The following DLG2 variants were observed in gnomAD, a reference collection of about 807,000 sequenced individuals.
The protein encoded by DLG2 is discs large MAGUK scaffold protein 2, also known as disks large homolog 2.
A neutral mutation model predicts 132.5 loss-of-function variants in DLG2; 45 were observed. That is an observed-to-expected ratio of 0.34 (90% confidence interval 0.27 to 0.44). The LOEUF (loss-of-function observed/expected upper bound fraction) is 0.44. Among genes scored for constraint, DLG2 ranks in the 20% least tolerant of loss-of-function variants. DLG2 has a pLI of 1.00. For synonymous variants in DLG2, 424 were observed against 419.6 expected (o/e 1.01, Z -0.13); for missense variants, 1,045 against 1,196.9 (o/e 0.87, Z 1.87).
intron 6 of DLG2, among the ~76,000 whole-genome samples, chr11:85,004,381 G>A (rs1025249576): frequency 6.6e-6 from 1 of 152,120 alleles, no homozygotes; most frequent in Non-Finnish European, 1.5e-5. Context: ...TCCAGCATCT[G>A]TTGTTTCCTG....
chr11:84,732,622 T>A (rs2063291683), intron 6 of DLG2, among the ~76,000 whole-genome samples: 1 of 151,714 alleles, frequency 6.6e-6, no homozygotes, highest in South Asian at 2.1e-4. Flanking sequence ...TTCTTAAGTT[T>A]TGAGAGTTTT....
chr11:84,823,920 G>A (rs2078020042), intron 6 of DLG2, among the ~76,000 whole-genome samples: 1 of 151,856 alleles, frequency 6.6e-6, no homozygotes, highest in South Asian at 2.1e-4. Context: ...GCACGGCTCT[G>A]TCCATTACTG....
intron 3 of DLG2, among the ~76,000 whole-genome samples, chr11:85,480,224 G>A (rs997230484): frequency 6.6e-6 from 1 of 152,334 alleles, no homozygotes; most frequent in East Asian, 1.9e-4. Context: ...GATAGACATT[G>A]TAATCCAGTA....
chr11:85,061,255 T>C (rs1210608079), intron 6 of DLG2, among the ~76,000 whole-genome samples: 1 of 151,894 alleles, frequency 6.6e-6, no homozygotes. Context: ...ATTTTTGTTT[T>C]TGTAGCCTGT....
At chr11:85,531,917 T>C (rs1368464352) in intron 3 of DLG2, among the ~76,000 whole-genome samples, 1 of 152,158 alleles carries the variant, frequency 6.6e-6, no homozygotes, top group Non-Finnish European at 1.5e-5. Flanking sequence ...GGAACAAAAA[T>C]GTTAAGCAAC....
chr11:85,478,411 A>G (rs932605595), intron 3 of DLG2, among the ~76,000 whole-genome samples: 3 of 152,160 alleles, frequency 2.0e-5, no homozygotes, highest in African/African-American at 7.2e-5. Flanking sequence ...GACAATCTTT[A>G]TAGGACTGTC....
At position 83,595,437 on chromosome 11, in the gene DLG2, T is replaced by G. The variant is rs567868532; in HGVS notation, c.1940+37774A>C. Among the ~76,000 whole-genome samples the G allele has an allele frequency of 3.3e-5, 5 of 152,358 alleles. No individual in the cohort carries two copies. In the South Asian group the frequency reaches 1.0e-3, roughly 32 times the overall value. ...GATAAACAGGGCATCCTCCTCATTT[T>G]TCTTACCATTAAGAATCCATCTAAG... On this transcript the variant is annotated intron_variant, in intron 19 of 27. Coordinates refer to ENST00000376104, the MANE Select transcript of DLG2 (RefSeq NM_001142699.3).
intron 9 of DLG2, among the ~76,000 whole-genome samples, chr11:84,135,593 C>T (rs953955478): frequency 6.6e-6 from 1 of 151,936 alleles, no homozygotes; most frequent in African/African-American, 2.4e-5. Context: ...GAGAGTAGGG[C>T]ATGGAGAAGG....
At chr11:84,517,073 A>AG (rs2099275950) in intron 7 of DLG2, among the ~76,000 whole-genome samples, 2 of 141,450 alleles carry the variant, frequency 1.4e-5, no homozygotes, top group African/African-American at 5.1e-5. Context: ...AAAAAAAAAA[A>AG]GATTCGCAAC....
At chr11:84,671,658 T>C (rs2099706036) in intron 6 of DLG2, among the ~76,000 whole-genome samples, 1 of 152,140 alleles carries the variant, frequency 6.6e-6, no homozygotes, top group African/African-American at 2.4e-5. Flanking sequence ...AAAAGTGACT[T>C]GTGCAGAAAA....
chr11:84,568,116 A>G (rs2099464728), intron 6 of DLG2, among the ~76,000 whole-genome samples: 1 of 152,162 alleles, frequency 6.6e-6, no homozygotes, highest in Admixed American at 6.5e-5. Flanking sequence ...GACCACCTGG[A>G]GTCAGGTAGA....
intron 6 of DLG2, among the ~76,000 whole-genome samples, chr11:84,989,180 G>C (rs1248486121): frequency 6.6e-6 from 1 of 151,982 alleles, no homozygotes; most frequent in African/African-American, 2.4e-5. Flanking sequence ...ATAAATAAAA[G>C]AAGTTCTTTT....
At chr11:84,908,874 G>A (rs1471105216) in intron 6 of DLG2, among the ~76,000 whole-genome samples, 10 of 151,286 alleles carry the variant, frequency 6.6e-5, no homozygotes, top group Non-Finnish European at 1.3e-4. Flanking sequence ...CAAAATCTTT[G>A]TTTATATGAT....
rs187390285 is a variant in DLG2 at position 83,718,453 on chromosome 11, G to A, written c.1825+68237C>T. Among the ~76,000 whole-genome samples, 383 of 151,380 alleles carry A rather than the reference G, an allele frequency of 2.5e-3. 2 individuals are homozygous for A. Among genetic ancestry groups the A allele is most frequent in the African/African-American group, 8.9e-3 (365 of 41,204 alleles). On this transcript the variant is annotated intron_variant, in intron 18 of 27. Transcript: ENST00000376104. ...GCAGGAGAATTGCTTGAACCTGGGA[G>A]GCGGAGCTTGCAGTGGGCCGAGATT...
chr11:85,527,175 TA>T (rs1338202343), intron 3 of DLG2, among the ~76,000 whole-genome samples: 7 of 141,914 alleles, frequency 4.9e-5, no homozygotes, highest in African/African-American at 1.4e-4. Flanking sequence ...AGGATGTTTT[TA>T]TTTTTTTTTT....
At chr11:84,060,904 A>C (rs960789446) in intron 10 of DLG2, among the ~76,000 whole-genome samples, 3 of 152,102 alleles carry the variant, frequency 2.0e-5, no homozygotes, top group African/African-American at 7.2e-5. Context: ...CCTGGTTGAA[A>C]TCAACATCAT....
At chr11:84,261,505 T>C (rs1437064664) in intron 7 of DLG2, among the ~76,000 whole-genome samples, 1 of 152,230 alleles carries the variant, frequency 6.6e-6, no homozygotes, top group Non-Finnish European at 1.5e-5. Context: ...CACTCATTAT[T>C]TGTATTACTT....
intron 3 of DLG2, chr11:85,453,845 G>A (rs2092332999): frequency 6.6e-6 from 1 of 152,086 alleles, no homozygotes; most frequent in Non-Finnish European, 1.5e-5. Flanking sequence ...GGTAAACTGT[G>A]TCACAGGGGT....
chr11:84,234,624 T>C (rs1264066501), intron 8 of DLG2, among the ~76,000 whole-genome samples: 9 of 152,248 alleles, frequency 5.9e-5, no homozygotes, highest in Non-Finnish European at 1.0e-4. Flanking sequence ...AAAACACTAG[T>C]TCAGGCCATG....
Sources: allele counts gnomAD v4.1 joint callset (sites outside exome capture counted in the v4.1 genomes callset), GRCh38; gene constraint gnomAD v4.1.1; transcripts MANE v1.5; gene names NCBI Gene and HGNC (gene_info 2026-07-23, HGNC 2026-07-21).